LPP: variants seen among roughly 807,000 people sequenced by gnomAD.
LPP encodes LIM domain containing preferred translocation partner in lipoma.
In LPP, 38 loss-of-function variants were observed where a neutral mutation model predicts 60.4. The ratio of observed to expected loss-of-function variants is 0.63; its 90% CI spans 0.49 to 0.83. The LOEUF (loss-of-function observed/expected upper bound fraction) is 0.83, where lower values mean the gene tolerates loss of function less well. LPP is among the 40% of genes least tolerant of loss of function. The pLI, the probability that LPP is intolerant of heterozygous loss-of-function variation, is 0.00. For synonymous variants in LPP, 328 were observed against 290.8 expected, an observed-to-expected ratio of 1.13 and a Z score of -1.30; for missense variants, 902 against 783.6, an observed-to-expected ratio of 1.15 and a Z score of -1.80.
chr3:188,260,426 G>C (rs1342705240), intron 2 of LPP, among the ~76,000 whole-genome samples: 1 of 152,010 alleles, frequency 6.6e-6, no homozygotes, highest in Non-Finnish European at 1.5e-5. Flanking sequence ...TTGGAGAAAG[G>C]AATTTGCCTC....
At chr3:188,680,513 T>C (rs1859249099) in intron 7 of LPP, among the ~76,000 whole-genome samples, 1 of 152,250 alleles carries the variant, frequency 6.6e-6, no homozygotes. Context: ...TCTAACTTCA[T>C]ATTTCAGATG....
At chr3:188,411,973 G>GTCTC (rs56025983) in intron 4 of LPP, among the ~76,000 whole-genome samples, 7,251 of 149,758 alleles carry the variant, frequency 0.048, 565 homozygotes, top group African/African-American at 0.16. Context: ...CTCTTTCTCT[G>GTCTC]TCTCTCTCTC....
At position 188,817,889 on chromosome 3, in the gene LPP, C is replaced by T. The variant is rs115228473; in HGVS notation, c.1411-48311C>T. Reference sequence around the variant, plus strand: ...CTGCAGACACCTGTTTAAGAGTTTACGTTTTTGTTCTTCCACACGATTATT... The same window carrying T: ...CTGCAGACACCTGTTTAAGAGTTTATGTTTTTGTTCTTCCACACGATTATT... On this transcript the variant is annotated intron_variant, in intron 9 of 11. Coordinates refer to ENST00000617246, the MANE Select transcript of LPP (RefSeq NM_001375462.1). Among the ~76,000 whole-genome samples the T allele has an allele frequency of 7.7e-3, 1,174 of 152,272 alleles. 18 individuals are homozygous for T. The highest frequency in any genetic ancestry group is 0.027 in the African/African-American group (1,106 of 41,550).
At chr3:188,752,820 G>C (rs1728524869) in intron 8 of LPP, among the ~76,000 whole-genome samples, 2 of 152,118 alleles carry the variant, frequency 1.3e-5, no homozygotes, top group African/African-American at 4.8e-5. Context: ...TTACAGCAGT[G>C]GTTCTCAAAC....
chr3:188,866,437 G>A (rs1475247368), intron 10 of LPP, 59 bp downstream of exon 10: 9 of 1,302,866 alleles, frequency 6.9e-6, no homozygotes, highest in Non-Finnish European at 9.0e-6. Context: ...TGTTCTTACT[G>A]CTTGGCATCT....
At position 188,881,255 on chromosome 3, in the gene LPP, C is replaced by T. The variant is rs371999395; in HGVS notation, c.*6776C>T. ...CTTAGTCCTGGCCAGTATGTAGTTG[C>T]GCTCACATACGTCTATTCTAGCTCT... On this transcript the variant is annotated 3_prime_UTR_variant, in exon 12 of 12. Transcript: ENST00000617246. 2 of 186,470 alleles carry T rather than the reference C, an allele frequency of 1.1e-5. No homozygotes were observed. Among genetic ancestry groups the T allele is most frequent in the East Asian group, 8.5e-5 (1 of 11,704 alleles). 11.6% of individuals were successfully genotyped at this position (186,470 alleles called of 1,614,324 possible). A position where few individuals can be genotyped will look rare whatever the true frequency, so the allele number is the denominator to read the frequency against.
At chr3:188,460,726 A>G (rs930256693) in intron 4 of LPP, among the ~76,000 whole-genome samples, 1 of 152,252 alleles carries the variant, frequency 6.6e-6, no homozygotes, top group African/African-American at 2.4e-5. Flanking sequence ...CATAGTTAAC[A>G]TGATCAAGAT....
intron 4 of LPP, among the ~76,000 whole-genome samples, chr3:188,422,965 T>C (rs1788252837): frequency 6.8e-6 from 1 of 147,014 alleles, no homozygotes; most frequent in African/African-American, 2.6e-5. Context: ...GTGTTTTAAT[T>C]GTACTTTAAC....
chr3:188,531,589 A>C (rs1355956339), intron 6 of LPP, among the ~76,000 whole-genome samples: 1 of 152,042 alleles, frequency 6.6e-6, no homozygotes, highest in African/African-American at 2.4e-5. Flanking sequence ...GAATGTTTTG[A>C]AGTCTGTATA....
At chr3:188,558,544 A>G (rs1266165421) in intron 6 of LPP, among the ~76,000 whole-genome samples, 1 of 152,072 alleles carries the variant, frequency 6.6e-6, no homozygotes, top group Non-Finnish European at 1.5e-5. Context: ...AGTGTGTTTG[A>G]GTGTGCTTCC....
At chr3:188,754,163 A>C (rs1729364729) in intron 8 of LPP, among the ~76,000 whole-genome samples, 1 of 152,208 alleles carries the variant, frequency 6.6e-6, no homozygotes, top group Non-Finnish European at 1.5e-5. Flanking sequence ...GAGCCATATG[A>C]TAAATTCATC....
chr3:188,853,754 T>A (rs969705086), intron 9 of LPP, among the ~76,000 whole-genome samples: 6 of 152,318 alleles, frequency 3.9e-5, no homozygotes, highest in Admixed American at 6.5e-5. Flanking sequence ...AGTAAACATA[T>A]CATCTCTGTT....
rs547764253 is a variant in LPP at position 188,304,156 on chromosome 3, G to A, written c.-66-37507G>A. Among the ~76,000 whole-genome samples the A allele has an allele frequency of 5.9e-5, 9 of 152,250 alleles. No homozygotes were observed. The East Asian group carries it at 1.7e-3, about 29-fold the overall frequency. ...TATCAAATTTGTAGCTACTAGCTTT[G>A]TTGCTTTTGAATTTCTGGGTTGGCA... On this transcript the variant is annotated intron_variant, in intron 2 of 11. Transcript: ENST00000617246.
In LPP at chr3:188,879,888, A is replaced by G. The variant is rs558491376; in HGVS notation, c.*5409A>G. ...CAGACTACAGGCAGAATTTCCCTTC[A>G]ATCCAGAAAAAAGGACACTAATTTC... On this transcript the variant is annotated 3_prime_UTR_variant, in exon 12 of 12. Coordinates refer to ENST00000617246, the MANE Select transcript of LPP (RefSeq NM_001375462.1). 1.1e-5 allele frequency: 2 copies of G among 182,312 alleles called. No individual in the cohort carries two copies. Among genetic ancestry groups the G allele is most frequent in the Admixed American group, 6.3e-5 (1 of 15,976 alleles). The allele number at this position is 182,312 out of a possible 1,614,324, so 11.3% of individuals were successfully genotyped here. A position where few individuals can be genotyped will look rare whatever the true frequency, so the allele number is the denominator to read the frequency against.
chr3:188,701,049 C>T (rs969097893), intron 7 of LPP, among the ~76,000 whole-genome samples: 3 of 152,182 alleles, frequency 2.0e-5, no homozygotes, highest in East Asian at 1.9e-4. Context: ...TCTGAATAGT[C>T]AGGTCTTCTG....
At chr3:188,565,907 T>C (rs1462546853) in intron 6 of LPP, among the ~76,000 whole-genome samples, 4 of 151,910 alleles carry the variant, frequency 2.6e-5, no homozygotes, top group African/African-American at 9.7e-5. Context: ...TGCCAGAATG[T>C]GCACCTCTTC....
At chr3:188,517,174 A>C (rs1035153484) in intron 5 of LPP, among the ~76,000 whole-genome samples, 5 of 152,178 alleles carry the variant, frequency 3.3e-5, no homozygotes, top group African/African-American at 1.2e-4. Context: ...GGGACCCGAG[A>C]GCTCAGGTGA....
chr3:188,243,229 A>C (rs1193795365), intron 2 of LPP, among the ~76,000 whole-genome samples: 1 of 152,212 alleles, frequency 6.6e-6, no homozygotes, highest in East Asian at 1.9e-4. Context: ...TTCTGTTCTC[A>C]GGAGTTATAC....
chr3:188,525,735 T>C (rs1218079988), intron 6 of LPP, among the ~76,000 whole-genome samples: 2 of 152,234 alleles, frequency 1.3e-5, no homozygotes, highest in Non-Finnish European at 2.9e-5. Context: ...TACTTTTCTT[T>C]CCTAAGGTTG....
Sources: allele counts gnomAD v4.1 joint callset (sites outside exome capture counted in the v4.1 genomes callset), GRCh38; gene constraint gnomAD v4.1.1; transcripts MANE v1.5; gene names NCBI Gene and HGNC (gene_info 2026-07-23, HGNC 2026-07-21).